The following RYR2 variants were observed in gnomAD, a reference collection of about 807,000 sequenced individuals.
RYR2 encodes the protein cardiac muscle ryanodine receptor-calcium release channel.
A neutral mutation model predicts 601.1 loss-of-function variants in RYR2; 227 were observed. The observed-to-expected ratio is 0.38, with a 90% CI of 0.34 to 0.42. The LOEUF (loss-of-function observed/expected upper bound fraction) is 0.42, where lower values mean the gene tolerates loss of function less well. RYR2 is among the 10% of genes least tolerant of loss of function. The probability of loss-of-function intolerance (pLI) is 1.00; values close to 1 mark genes in which losing one functional copy is unlikely to be tolerated. For synonymous variants in RYR2, 2,223 were observed against 2,175.1 expected (o/e 1.02, Z -0.61); for missense variants, 4,646 against 6,156.5 (o/e 0.75, Z 8.21).
At chr1:237,302,718 C>T (rs905776414) in intron 2 of RYR2, among the ~76,000 whole-genome samples, 1 of 152,154 alleles carries the variant, frequency 6.6e-6, no homozygotes, top group Non-Finnish European at 1.5e-5. Flanking sequence ...CAGCTAAAAT[C>T]CCAGCTCTAT....
At chr1:237,553,694 T>G (rs1490419363) in intron 27 of RYR2, among the ~76,000 whole-genome samples, 2 of 151,914 alleles carry the variant, frequency 1.3e-5, no homozygotes, top group Non-Finnish European at 3.0e-5. Context: ...CCATTTATTT[T>G]CATCCTCTTT....
intron 5 of RYR2, among the ~76,000 whole-genome samples, chr1:237,368,178 G>A (rs1014881709): frequency 4.6e-5 from 7 of 152,134 alleles, no homozygotes; most frequent in South Asian, 2.1e-4. Flanking sequence ...AACCTGTGTC[G>A]TTAAAGAGTC....
chr1:237,475,782 A>G (rs1466271759), intron 17 of RYR2, among the ~76,000 whole-genome samples: 1 of 152,230 alleles, frequency 6.6e-6, no homozygotes, highest in Non-Finnish European at 1.5e-5. Flanking sequence ...GACACCAGTC[A>G]CTATGTATAC....
intron 1 of RYR2, among the ~76,000 whole-genome samples, chr1:237,160,607 G>GT (rs1270970247): frequency 2.0e-5 from 3 of 151,890 alleles, no homozygotes; most frequent in African/African-American, 7.2e-5. Context: ...GTGTCTGAGT[G>GT]TATATTCATC....
chr1:237,231,158 T>C (rs1402371808), intron 1 of RYR2, among the ~76,000 whole-genome samples: 2 of 152,156 alleles, frequency 1.3e-5, no homozygotes, highest in Non-Finnish European at 2.9e-5. Flanking sequence ...TGTGTCTGTT[T>C]TTCCCCACTT....
At chr1:237,719,481 T>C (rs968654161) in intron 73 of RYR2, among the ~76,000 whole-genome samples, 2 of 152,044 alleles carry the variant, frequency 1.3e-5, no homozygotes, top group African/African-American at 4.8e-5. Context: ...CTTAAAATCA[T>C]GGCAGATGGT....
Position 237,287,652 on chromosome 1 carries a change from C to T in RYR2, c.168+17036C>T, listed in dbSNP as rs983626576. 2.0e-5 allele frequency among the ~76,000 whole-genome samples: 3 copies of T among 152,168 alleles called. No individual in the cohort carries two copies. The South Asian group carries it at 6.2e-4, about 31-fold the overall frequency. ...TTTCTAAAAGTGCATCCAAGGTTTT[C>T]TGAATTTTTGATTGTTTTTTCTTTA... On this transcript the variant is annotated intron_variant, in intron 2 of 104. Transcript: ENST00000366574.
At chr1:237,505,300 G>A (rs897998762) in intron 22 of RYR2, among the ~76,000 whole-genome samples, 23 of 152,050 alleles carry the variant, frequency 1.5e-4, no homozygotes, top group Admixed American at 1.2e-3. Context: ...ATTCAATATC[G>A]ACTTATATTG....
In RYR2 at chr1:237,798,078, C is replaced by T. The variant is rs1362291583; in HGVS notation, c.13998C>T (p.Ile4666=). The part of the protein sequence containing the change: ...KYGEFYGRDR[I]SELLGMDKAA... ...GAGAGTTCTACGGCCGAGACAGAAT[C>T]AGTGAATTACTTGGCATGGACAAGG... Residue 4666 remains isoleucine, a synonymous_variant, in exon 97 of 105, where the codon ATC becomes ATT. Coordinates refer to ENST00000366574, the MANE Select transcript of RYR2 (RefSeq NM_001035.3). 6.2e-7 allele frequency: 1 copy of T among 1,611,580 alleles called. No individual in the cohort carries two copies. The highest frequency in any genetic ancestry group is 1.1e-5 in the South Asian group (1 of 90,412).
At chr1:237,345,467 T>TAAAAA (rs1332928390) in intron 3 of RYR2, among the ~76,000 whole-genome samples, 1 of 143,960 alleles carries the variant, frequency 6.9e-6, no homozygotes, top group Non-Finnish European at 1.5e-5. Context: ...AAATAAAAAA[T>TAAAAA]AAAAAATAAA....
At chr1:237,273,110 A>G (rs1157656934) in intron 2 of RYR2, among the ~76,000 whole-genome samples, 2 of 152,004 alleles carry the variant, frequency 1.3e-5, no homozygotes, top group African/African-American at 4.8e-5. Context: ...AAATTCTAGA[A>G]CTCACCATAA....
intron 77 of RYR2, 51 bp downstream of exon 77, chr1:237,730,407 G>C (rs1558304464): frequency 1.0e-6 from 1 of 984,258 alleles, no homozygotes; most frequent in Non-Finnish European, 1.6e-6. Context: ...GCTTGGTGCA[G>C]CAATGTTGGC....
intron 1 of RYR2, among the ~76,000 whole-genome samples, chr1:237,088,493 A>T (rs1414865927): frequency 6.6e-6 from 1 of 152,248 alleles, no homozygotes; most frequent in African/African-American, 2.4e-5. Context: ...TGCTTTTCGC[A>T]ATTTATTATC....
intron 2 of RYR2, among the ~76,000 whole-genome samples, chr1:237,274,988 A>G (rs963118175): frequency 6.6e-6 from 1 of 151,974 alleles, no homozygotes; most frequent in African/African-American, 2.4e-5. Flanking sequence ...ACACATAATG[A>G]TAAGATCACC....
intron 3 of RYR2, among the ~76,000 whole-genome samples, chr1:237,346,191 C>T (rs1002495522): frequency 3.3e-5 from 5 of 151,842 alleles, no homozygotes; most frequent in African/African-American, 4.8e-5. Context: ...CATGGCGAGA[C>T]TCTGTCTCTA....
intron 27 of RYR2, among the ~76,000 whole-genome samples, chr1:237,556,938 T>A (rs1670968333): frequency 6.8e-6 from 1 of 146,220 alleles, no homozygotes; most frequent in Non-Finnish European, 1.5e-5. Context: ...ATAACAAAAT[T>A]TGTTATCTCA....
chr1:237,719,158 G>A (rs530102362), intron 73 of RYR2, among the ~76,000 whole-genome samples: 79 of 152,282 alleles, frequency 5.2e-4, no homozygotes, highest in African/African-American at 1.8e-3. Context: ...TTGGGTGGCT[G>A]AGGTGGGAGG....
chr1:237,167,082 G>C (rs537980506), intron 1 of RYR2, among the ~76,000 whole-genome samples: 1 of 152,280 alleles, frequency 6.6e-6, no homozygotes, highest in East Asian at 1.9e-4. Flanking sequence ...TGTAACCAAA[G>C]CTTTTTTATT....
At chr1:237,631,674 G>C in intron 42 of RYR2, 133 bp downstream of exon 42, 3 of 448,680 alleles carry the variant, frequency 6.7e-6, no homozygotes, top group South Asian at 6.1e-5. Flanking sequence ...TGTCGCCCAG[G>C]CTGGAGTGCA....
Sources: gnomAD v4.1 joint callset for allele counts (sites outside exome capture counted in the v4.1 genomes callset) on GRCh38, gnomAD v4.1.1 for gene constraint, MANE v1.5 for transcripts, NCBI Gene and HGNC (gene_info 2026-07-23, HGNC 2026-07-21) for gene names.